Variants in PREX1 observed in about 807,000 individuals in gnomAD.
PREX1 encodes the protein phosphatidylinositol 3,4,5-trisphosphate-dependent Rac exchanger 1 protein.
A neutral mutation model predicts 198.3 loss-of-function variants in PREX1; 41 were observed. The ratio of observed to expected loss-of-function variants is 0.21; its 90% CI spans 0.16 to 0.27. The LOEUF (loss-of-function observed/expected upper bound fraction) is 0.27. PREX1 is among the 10% of genes least tolerant of loss of function. The pLI, the probability that PREX1 is intolerant of heterozygous loss-of-function variation, is 1.00. For missense variants in PREX1, 1,620 were observed against 2,200.7 expected (o/e 0.74, Z 5.28); for synonymous variants, 843 against 887.2 (o/e 0.95, Z 0.89).
chr20:48,674,430 G>A (rs895618417), intron 14 of PREX1, among the ~76,000 whole-genome samples: 1 of 152,170 alleles, frequency 6.6e-6, no homozygotes, highest in Non-Finnish European at 1.5e-5. Context: ...AATTAATGAG[G>A]CCAACATAAA....
chr20:48,643,025 T>C (rs2089425842), intron 27 of PREX1, among the ~76,000 whole-genome samples: 1 of 152,108 alleles, frequency 6.6e-6, no homozygotes, highest in African/African-American at 2.4e-5. Flanking sequence ...AAGACTGCAG[T>C]GACAGTGGGA....
chr20:48,826,254 G>C (rs1416515520), intron 1 of PREX1, among the ~76,000 whole-genome samples: 1 of 151,974 alleles, frequency 6.6e-6, no homozygotes, highest in Non-Finnish European at 1.5e-5. Context: ...GCAGAGAAGG[G>C]GAGTAAATGA....
chr20:48,676,415 A>T lies in PREX1; in HGVS notation c.1590-147T>A, dbSNP rs1327591628. 3 of 714,656 alleles carry T rather than the reference A, an allele frequency of 4.2e-6. No individual in the cohort carries two copies. In the East Asian group the frequency reaches 8.2e-5, roughly 20 times the overall value. 44.3% of individuals were successfully genotyped at this position (714,656 alleles called of 1,614,324 possible). On this transcript the variant is annotated intron_variant, in intron 13 of 39. Transcript: ENST00000371941. Reference sequence around the variant, plus strand: ...GGCAGGGGTCCGAGTCTCAGCCCAGACTCCACACATCACTTGCAGTGTGAC... The same window carrying T: ...GGCAGGGGTCCGAGTCTCAGCCCAGTCTCCACACATCACTTGCAGTGTGAC...
chr20:48,828,059 G>A (rs1170080072), upstream of PREX1, among the ~76,000 whole-genome samples: 1 of 146,734 alleles, frequency 6.8e-6, no homozygotes, highest in African/African-American at 2.5e-5. Context: ...CGAGGGGCGG[G>A]AGGGGGCGGC....
rs2090102369 is a variant in PREX1 at position 48,745,230 on chromosome 20, G to A, written c.292-83C>T. On this transcript the variant is annotated intron_variant, in intron 2 of 39. Transcript: ENST00000371941. ...AAGCACTGAAAAAATACAAACCTCG[G>A]TGCGGGTGACATTGTAGTCAAAGAA... is the stretch of plus-strand genomic sequence containing the variant. 1.6e-5 allele frequency: 23 copies of A among 1,445,796 alleles called. No individual in the cohort carries two copies. In the South Asian group the frequency reaches 3.0e-4, roughly 19 times the overall value. 89.6% of individuals were successfully genotyped at this position (1,445,796 alleles called of 1,614,324 possible). A position where few individuals can be genotyped will look rare whatever the true frequency, so the allele number is the denominator to read the frequency against.
Position 48,788,842 on chromosome 20 carries a change from G to A in PREX1, c.219+38800C>T, listed in dbSNP as rs552569073. Among the ~76,000 whole-genome samples, 10 of 152,212 alleles carry A rather than the reference G, an allele frequency of 6.6e-5. No individual in the cohort carries two copies. In the South Asian group the frequency reaches 1.7e-3, roughly 25 times the overall value. On this transcript the variant is annotated intron_variant, in intron 1 of 39. Coordinates refer to ENST00000371941, the MANE Select transcript of PREX1 (RefSeq NM_020820.4). Reference sequence around the variant, plus strand: ...AATGGGGTATCATGGGAGTGGAACCGGTGGCTTTGTAAGAAGAGGAAGAGA... The same window carrying A: ...AATGGGGTATCATGGGAGTGGAACCAGTGGCTTTGTAAGAAGAGGAAGAGA...
At chr20:48,763,873 A>C (rs2426088) in intron 1 of PREX1, among the ~76,000 whole-genome samples, 51,478 of 151,984 alleles carry the variant, frequency 0.34, 10,015 homozygotes, top group Non-Finnish European at 0.43. Context: ...CAGTTTAGGG[A>C]GTGTCAACTA....
chr20:48,806,195 A>G (rs1019696245), intron 1 of PREX1, among the ~76,000 whole-genome samples: 3 of 152,224 alleles, frequency 2.0e-5, no homozygotes, highest in African/African-American at 7.2e-5. Context: ...GGAGGGGCCA[A>G]ACTGCCCTTG....
At chr20:48,812,587 T>C (rs193077385) in intron 1 of PREX1, among the ~76,000 whole-genome samples, 1 of 152,104 alleles carries the variant, frequency 6.6e-6, no homozygotes, top group African/African-American at 2.4e-5. Flanking sequence ...TAAGTATAGC[T>C]AATATATATG....
At chr20:48,728,296 G>T (rs1343763777) in intron 4 of PREX1, among the ~76,000 whole-genome samples, 1 of 152,216 alleles carries the variant, frequency 6.6e-6, no homozygotes, top group Non-Finnish European at 1.5e-5. Flanking sequence ...CACACGCTGT[G>T]CCTTGTGCTT....
rs559625371 is a variant in PREX1 at position 48,783,940 on chromosome 20, C to A, written c.220-36060G>T. On this transcript the variant is annotated intron_variant, in intron 1 of 39. Transcript: ENST00000371941. Reference sequence around the variant, plus strand: ...TATGGATCTCACGCTCCTGAATATACCACAGTCACAACACAAGGTGAACGG... The same window carrying A: ...TATGGATCTCACGCTCCTGAATATAACACAGTCACAACACAAGGTGAACGG... 5.3e-5 allele frequency among the ~76,000 whole-genome samples: 8 copies of A among 152,274 alleles called. No homozygotes were observed. The East Asian group carries it at 1.2e-3, about 22-fold the overall frequency.
At chr20:48,812,101 G>C (rs1411107689) in intron 1 of PREX1, among the ~76,000 whole-genome samples, 1 of 152,168 alleles carries the variant, frequency 6.6e-6, no homozygotes, top group African/African-American at 2.4e-5. Flanking sequence ...ATTTCTTTGG[G>C]CTAATAAGGA....
chr20:48,852,515 C>T, the PREX1 span, among the ~76,000 whole-genome samples: 18,085 of 152,186 alleles, frequency 0.12, 1,287 homozygotes, highest in Non-Finnish European at 0.16. Flanking sequence ...TAAACCAATG[C>T]TTTTTAAACT....
At chr20:48,884,178 G>A in the PREX1 span, among the ~76,000 whole-genome samples, 1 of 149,260 alleles carries the variant, frequency 6.7e-6, no homozygotes, top group African/African-American at 2.5e-5. Flanking sequence ...TTTCTTTTTA[G>A]TTGGCTGACC....
chr20:48,747,421 G>A (rs1387044290), intron 2 of PREX1, among the ~76,000 whole-genome samples: 1 of 152,254 alleles, frequency 6.6e-6, no homozygotes, highest in African/African-American at 2.4e-5. Flanking sequence ...GGGAGCGGGG[G>A]CCGGGACTGC....
chr20:48,829,745 C>T (rs1014091401), upstream of PREX1, among the ~76,000 whole-genome samples: 3 of 152,122 alleles, frequency 2.0e-5, no homozygotes, highest in Non-Finnish European at 4.4e-5. Flanking sequence ...ATTCTGTCTA[C>T]CACGAGGGGA....
chr20:48,710,079 C>G (rs2089923583), intron 5 of PREX1, among the ~76,000 whole-genome samples: 1 of 152,114 alleles, frequency 6.6e-6, no homozygotes, highest in Non-Finnish European at 1.5e-5. Context: ...CTCTGGAGGC[C>G]CCAGCAATGA....
the PREX1 span, among the ~76,000 whole-genome samples, chr20:48,853,826 G>A: frequency 6.6e-6 from 1 of 152,212 alleles, no homozygotes; most frequent in Non-Finnish European, 1.5e-5. Context: ...TAGCCTCGAT[G>A]GGGATGATCA....
rs199570067 is a variant in PREX1, at chr20:48,734,032, G to GT, written c.519+513dup. On this transcript the variant is annotated intron_variant, in intron 4 of 39. Coordinates refer to ENST00000371941, the MANE Select transcript of PREX1 (RefSeq NM_020820.4). ...CCTCCCAAGTGCTGGGATTACAGGCGTGAGTCCCCGCACCTGGCCGCTTAA... is the reference window on the plus strand; with the variant it reads ...CCTCCCAAGTGCTGGGATTACAGGCGTTGAGTCCCCGCACCTGGCCGCTTAA... Among the ~76,000 whole-genome samples the GT allele has an allele frequency of 2.3e-3, 347 of 152,266 alleles. 3 individuals carry two copies. In the East Asian group the frequency reaches 0.044, roughly 19 times the overall value.
Sources: gnomAD v4.1 joint callset for allele counts (sites outside exome capture counted in the v4.1 genomes callset) on GRCh38, gnomAD v4.1.1 for gene constraint, MANE v1.5 for transcripts, NCBI Gene and HGNC (gene_info 2026-07-23, HGNC 2026-07-21) for gene names.